ERC1: variants seen among roughly 807,000 people sequenced by gnomAD.
ERC1 encodes RAB6 interacting protein 2.
Under a neutral mutation model 132.0 loss-of-function variants are expected in ERC1, and 56 were observed. The ratio of observed to expected loss-of-function variants is 0.42; its 90% CI spans 0.34 to 0.53. The LOEUF (loss-of-function observed/expected upper bound fraction) is 0.53, where lower values mean the gene tolerates loss of function less well. Ranked by LOEUF, ERC1 falls within the 20% of genes least tolerant of loss-of-function variation. The pLI, the probability that ERC1 is intolerant of heterozygous loss-of-function variation, is 0.03. For missense variants in ERC1, 1,202 were observed against 1,349.9 expected (o/e 0.89, Z 1.72); for synonymous variants, 478 against 476.1 (o/e 1.00, Z -0.05).
At chr12:990,940 TGTGTGTGTGTGA>T (rs1417280155), upstream of ERC1, 4 of 47,398 alleles carry the variant, frequency 8.4e-5, no homozygotes, top group East Asian at 7.2e-4. Flanking sequence ...GGGTCGTGTG[TGTGTGTGTGTGA>T]GTGTGTGTGT....
At chr12:1,002,385 C>G (rs912439347) in intron 1 of ERC1, among the ~76,000 whole-genome samples, 9 of 146,314 alleles carry the variant, frequency 6.2e-5, no homozygotes, top group African/African-American at 2.3e-4. Context: ...TGGAGTTTTA[C>G]TATGCTGCTC....
intron 6 of ERC1, among the ~76,000 whole-genome samples, chr12:1,114,837 C>G (rs985330173): frequency 1.4e-5 from 2 of 139,928 alleles, no homozygotes; most frequent in Non-Finnish European, 2.9e-5. Context: ...GAGAAAAATA[C>G]TTAATCTTTT....
chr12:1,126,646 G>T (rs1948188942), intron 7 of ERC1, among the ~76,000 whole-genome samples: 1 of 152,066 alleles, frequency 6.6e-6, no homozygotes, highest in Non-Finnish European at 1.5e-5. Context: ...TGGGAGAAGA[G>T]TTTTTTTAGA....
At chr12:1,425,176 AAAC>A (rs1214136994) in intron 17 of ERC1, among the ~76,000 whole-genome samples, 2 of 152,186 alleles carry the variant, frequency 1.3e-5, no homozygotes, top group African/African-American at 4.8e-5. Flanking sequence ...TCTGTTGTGT[AAAC>A]AAAACTATCT....
chr12:1,281,604 C>G (rs1425863111), intron 14 of ERC1, among the ~76,000 whole-genome samples: 1 of 152,120 alleles, frequency 6.6e-6, no homozygotes, highest in Non-Finnish European at 1.5e-5. Context: ...TATGTGTACC[C>G]AGTAGATCAT....
chr12:1,123,711 C>T (rs775643799), intron 7 of ERC1, among the ~76,000 whole-genome samples: 4 of 152,258 alleles, frequency 2.6e-5, no homozygotes, highest in African/African-American at 9.6e-5. Context: ...ATACATAAAG[C>T]GGGCCGGGCG....
intron 12 of ERC1, among the ~76,000 whole-genome samples, chr12:1,195,094 T>TA (rs149862360): frequency 0.054 from 8,270 of 152,002 alleles, 491 homozygotes; most frequent in African/African-American, 0.15. Context: ...CAGAAGCCCC[T>TA]AAAAAAACCA....
At chr12:1,274,128 T>C (rs1424023108) in intron 14 of ERC1, among the ~76,000 whole-genome samples, 1 of 152,194 alleles carries the variant, frequency 6.6e-6, no homozygotes, top group African/African-American at 2.4e-5. Flanking sequence ...AGGAGTGGAA[T>C]AGTTACAGAA....
At chr12:1,404,007 C>T (rs1228843525) in intron 16 of ERC1, among the ~76,000 whole-genome samples, 1 of 152,110 alleles carries the variant, frequency 6.6e-6, no homozygotes, top group Admixed American at 6.5e-5. Context: ...CATGAAATAC[C>T]ACATGCCATA....
At chr12:1,049,881 T>C (rs1323650166) in intron 2 of ERC1, among the ~76,000 whole-genome samples, 1 of 151,864 alleles carries the variant, frequency 6.6e-6, no homozygotes, top group Non-Finnish European at 1.5e-5. Context: ...GCCTCCTGAT[T>C]TACAGGCATG....
At chr12:1,080,414 A>C (rs1292814534) in intron 2 of ERC1, among the ~76,000 whole-genome samples, 1 of 152,226 alleles carries the variant, frequency 6.6e-6, no homozygotes, top group Non-Finnish European at 1.5e-5. Flanking sequence ...CACTTAGCAC[A>C]ACGTCTTGAA....
chr12:1,034,066 T>C (rs77384814), intron 2 of ERC1, among the ~76,000 whole-genome samples: 22,495 of 152,204 alleles, frequency 0.15, 2,077 homozygotes, highest in Non-Finnish European at 0.2. Flanking sequence ...AGGGGTTGTA[T>C]TGGGTTCTTT....
intron 17 of ERC1, among the ~76,000 whole-genome samples, chr12:1,413,644 CAT>C (rs2091961757): frequency 1.3e-5 from 2 of 152,132 alleles, no homozygotes; most frequent in Non-Finnish European, 2.9e-5. Flanking sequence ...CTCTCTCTCA[CAT>C]GTCATTCTGC....
intron 15 of ERC1, among the ~76,000 whole-genome samples, chr12:1,344,424 C>T (rs1316926475): frequency 2.6e-5 from 4 of 152,106 alleles, no homozygotes; most frequent in Non-Finnish European, 5.9e-5. Flanking sequence ...AGCTGTTGAT[C>T]TCTGAAGGAG....
chr12:1,349,613 G>A (rs1046134595), intron 15 of ERC1, among the ~76,000 whole-genome samples: 5 of 147,846 alleles, frequency 3.4e-5, no homozygotes, highest in South Asian at 2.1e-4. Context: ...GCAGTGAGCC[G>A]AGATCATGCC....
intron 13 of ERC1, chr12:1,257,328 T>G (rs1226520818): frequency 6.6e-6 from 1 of 152,250 alleles, no homozygotes; most frequent in Non-Finnish European, 1.5e-5. Flanking sequence ...GCTAAGCTGC[T>G]TTTGAGTTCT....
chr12:1,455,971 C>T (rs1056711115), intron 18 of ERC1, among the ~76,000 whole-genome samples: 2 of 152,196 alleles, frequency 1.3e-5, no homozygotes, highest in East Asian at 1.9e-4. Context: ...AAAGACCACA[C>T]TCAGGTGTAT....
chr12:1,028,807 T>C (rs891787584), intron 2 of ERC1, among the ~76,000 whole-genome samples: 3 of 152,028 alleles, frequency 2.0e-5, no homozygotes, highest in Admixed American at 1.3e-4. Flanking sequence ...TTCTTTTCTC[T>C]GGTTTCTCTT....
At chr12:1,106,153 C>G (rs61912135) in intron 4 of ERC1, among the ~76,000 whole-genome samples, 26,769 of 152,180 alleles carry the variant, frequency 0.18, 2,866 homozygotes, top group Non-Finnish European at 0.24. Context: ...TCTTTATCAA[C>G]AAATGGTGAT....
Sources: allele counts gnomAD v4.1 joint callset (sites outside exome capture counted in the v4.1 genomes callset), GRCh38; gene constraint gnomAD v4.1.1; transcripts MANE v1.5; gene names NCBI Gene and HGNC (gene_info 2026-07-23, HGNC 2026-07-21).